CUL5: variants seen among roughly 807,000 people sequenced by gnomAD.
CUL5 encodes the protein cullin-5.
A neutral mutation model predicts 108.8 loss-of-function variants in CUL5; 26 were observed. The observed-to-expected ratio is 0.24, with a 90% CI of 0.18 to 0.33. CUL5 has a LOEUF of 0.33. CUL5 is among the 10% of genes least tolerant of loss of function. The pLI, the probability that CUL5 is intolerant of heterozygous loss-of-function variation, is 1.00. For missense variants in CUL5, 524 were observed against 909.2 expected, an observed-to-expected ratio of 0.58 and a Z score of 5.45; for synonymous variants, 334 against 298.0, an observed-to-expected ratio of 1.12 and a Z score of -1.25.
chr11:108,023,674 G>C (rs1022265498), intron 1 of CUL5, among the ~76,000 whole-genome samples: 4 of 152,222 alleles, frequency 2.6e-5, no homozygotes, highest in Admixed American at 6.5e-5. Context: ...TAGAGTCTCA[G>C]ATGTTTGTTC....
intron 8 of CUL5, among the ~76,000 whole-genome samples, chr11:108,071,309 G>C (rs1472907418): frequency 2.0e-5 from 3 of 152,024 alleles, no homozygotes. Context: ...TGCCCAACCT[G>C]GAATTCGATG....
chr11:108,050,238 A>G (rs1863178716), intron 4 of CUL5, among the ~76,000 whole-genome samples, 172 bp downstream of exon 4: 1 of 151,936 alleles, frequency 6.6e-6, no homozygotes, highest in African/African-American at 2.4e-5. Flanking sequence ...TTTAGCTTCA[A>G]TCTTCTTTCA....
At chr11:108,047,075 T>C (rs1863086270) in intron 3 of CUL5, among the ~76,000 whole-genome samples, 2 of 152,134 alleles carry the variant, frequency 1.3e-5, no homozygotes, top group Non-Finnish European at 2.9e-5. Context: ...CCCAGCACTT[T>C]GGGAGGCTGA....
At position 108,009,521 on chromosome 11, in the gene CUL5, C is replaced by T. The variant is rs924120798; in HGVS notation, c.24+149C>T. On this transcript the variant is annotated intron_variant, in intron 1 of 18. Transcript: ENST00000393094. ...AGCCGCGGTGGCAGCCGGCGAGTAC[C>T]GGAACGCGGGTCTGTGGCCTTGGGG... is the stretch of plus-strand genomic sequence containing the variant. 1.9e-5 allele frequency: 15 copies of T among 807,610 alleles called. No homozygotes were observed. The African/African-American group carries it at 2.3e-4, about 12-fold the overall frequency. The allele number at this position is 807,610 out of a possible 1,614,324, so 50.0% of individuals were successfully genotyped here.
rs763147893 is a variant in CUL5 at position 108,062,762 on chromosome 11, CATAAA to C, written c.781-7331_781-7327del. Among the ~76,000 whole-genome samples, 35 of 152,116 alleles carry C rather than the reference CATAAA, an allele frequency of 2.3e-4. No individual in the cohort carries two copies. The East Asian group carries it at 3.9e-3, about 17-fold the overall frequency. On this transcript the variant is annotated intron_variant, in intron 7 of 18. Transcript: ENST00000393094. Reference sequence around the variant, plus strand: ...ATTATATTCTTTTATTATTTTTAAACATAAAATTAAATTATTTTTTACTGTAGTCA... The same window carrying C: ...ATTATATTCTTTTATTATTTTTAAACATTAAATTATTTTTTACTGTAGTCA...
chr11:108,031,699 C>T (rs1388312558), intron 1 of CUL5, among the ~76,000 whole-genome samples: 13 of 152,132 alleles, frequency 8.5e-5, no homozygotes, highest in Admixed American at 3.9e-4. Flanking sequence ...ACAGTGCTGT[C>T]GTATAAAGAC....
At chr11:108,048,831 T>A (rs886508843) in intron 3 of CUL5, among the ~76,000 whole-genome samples, 1 of 151,958 alleles carries the variant, frequency 6.6e-6, no homozygotes, top group Non-Finnish European at 1.5e-5. Context: ...CATGCCTGGC[T>A]AATTTTTGTA....
intron 7 of CUL5, among the ~76,000 whole-genome samples, chr11:108,055,461 T>C (rs1287083778): frequency 6.6e-6 from 1 of 152,048 alleles, no homozygotes; most frequent in African/African-American, 2.4e-5. Context: ...TTAATTATTA[T>C]TATTTTTAGA....
intron 10 of CUL5, among the ~76,000 whole-genome samples, chr11:108,077,412 G>A (rs999347933): frequency 2.0e-5 from 3 of 152,148 alleles, no homozygotes; most frequent in Middle Eastern, 6.3e-3. Flanking sequence ...TTGAGAGGCT[G>A]AGACAGGTGG....
chr11:108,056,187 C>G (rs1436041790), intron 7 of CUL5, among the ~76,000 whole-genome samples: 2 of 152,190 alleles, frequency 1.3e-5, no homozygotes, highest in Non-Finnish European at 2.9e-5. Flanking sequence ...AAGTTAGAAT[C>G]TAGTTGGGAC....
chr11:108,017,078 T>C (rs1862212872), intron 1 of CUL5, among the ~76,000 whole-genome samples: 1 of 152,200 alleles, frequency 6.6e-6, no homozygotes, highest in Non-Finnish European at 1.5e-5. Flanking sequence ...TGAGCATTTA[T>C]GCTGTACTGG....
intron 13 of CUL5, among the ~76,000 whole-genome samples, chr11:108,092,591 A>G (rs1199544520): frequency 6.6e-6 from 1 of 152,332 alleles, no homozygotes; most frequent in African/African-American, 2.4e-5. Context: ...AAAGAAGCCA[A>G]TCCCAAAGAC....
At chr11:108,014,127 T>A (rs1862123730) in intron 1 of CUL5, among the ~76,000 whole-genome samples, 1 of 152,196 alleles carries the variant, frequency 6.6e-6, no homozygotes, top group Non-Finnish European at 1.5e-5. Context: ...AGGAAATAAT[T>A]TCTGGTGGGA....
intron 11 of CUL5, among the ~76,000 whole-genome samples, chr11:108,087,143 C>G (rs938263790): frequency 5.9e-5 from 9 of 152,050 alleles, no homozygotes; most frequent in Admixed American, 2.6e-4. Flanking sequence ...CTAGTCTCAT[C>G]TACTTATTTA....
intron 10 of CUL5, among the ~76,000 whole-genome samples, chr11:108,074,496 C>A (rs752048456): frequency 1.3e-5 from 2 of 151,350 alleles, no homozygotes; most frequent in Admixed American, 6.6e-5. Flanking sequence ...TGCCCAGACT[C>A]TTTTTGTCTA....
At chr11:108,029,191 G>A (rs1862519962) in intron 1 of CUL5, among the ~76,000 whole-genome samples, 1 of 151,108 alleles carries the variant, frequency 6.6e-6, no homozygotes, top group African/African-American at 2.4e-5. Context: ...TGTGCTGTAA[G>A]GAGTGAAGGA....
Position 108,014,427 on chromosome 11 carries a change from T to G in CUL5, c.24+5055T>G, listed in dbSNP as rs560789074. On this transcript the variant is annotated intron_variant, in intron 1 of 18. Coordinates refer to ENST00000393094, the MANE Select transcript of CUL5 (RefSeq NM_003478.6). ...AGTCGGGTCAGATTACAAAGGGCCT[T>G]CAGTGCTAGGCAAGGGGTTTGAAAT... is the stretch of plus-strand genomic sequence containing the variant. 3.9e-5 allele frequency among the ~76,000 whole-genome samples: 6 copies of G among 152,300 alleles called. No homozygotes were observed. The South Asian group carries it at 1.2e-3, about 32-fold the overall frequency.
At chr11:108,104,065 GATT>G in intron 18 of CUL5, 122 bp from the exon 19 acceptor site, 1 of 598,750 alleles carries the variant, frequency 1.7e-6, no homozygotes, top group Non-Finnish European at 2.9e-6. Flanking sequence ...ATCCCCTAGT[GATT>G]ATTATTCATT....
chr11:108,086,276 G>A lies in CUL5; in HGVS notation c.1179-2251G>A, dbSNP rs368503769. ...ATAATAAAACTTTTAAAACAGCCAC[G>A]GGGGAAAAATAACACACTACCTTCA... On this transcript the variant is annotated intron_variant, in intron 11 of 18. Transcript: ENST00000393094. Among the ~76,000 whole-genome samples the A allele has an allele frequency of 3.6e-4, 55 of 152,234 alleles. No homozygotes were observed. In the South Asian group the frequency reaches 3.7e-3, roughly 10 times the overall value.
Sources: gnomAD v4.1 joint callset for allele counts (sites outside exome capture counted in the v4.1 genomes callset) on GRCh38, gnomAD v4.1.1 for gene constraint, MANE v1.5 for transcripts, NCBI Gene and HGNC (gene_info 2026-07-23, HGNC 2026-07-21) for gene names.